ANO5: variants seen among roughly 807,000 people sequenced by gnomAD.
ANO5 encodes the protein anoctamin 5, also known as anoctamin-5.
In ANO5, 109 loss-of-function variants were observed where a neutral mutation model predicts 121.0. The observed-to-expected ratio is 0.90, with a 90% CI of 0.77 to 1.06. The LOEUF (loss-of-function observed/expected upper bound fraction) is 1.06. Ranked by LOEUF, ANO5 falls within the 50% of genes least tolerant of loss-of-function variation. ANO5 has a pLI of 0.00. For missense variants in ANO5, 1,064 were observed against 1,078.5 expected (o/e 0.99, Z 0.19); for synonymous variants, 406 against 359.9 (o/e 1.13, Z -1.45).
At chr11:22,210,832 G>T (rs904411059) in intron 2 of ANO5, among the ~76,000 whole-genome samples, 1 of 151,858 alleles carries the variant, frequency 6.6e-6, no homozygotes, top group African/African-American at 2.4e-5. Flanking sequence ...ATGTTGAAGG[G>T]CGTAAAATAG....
intron 9 of ANO5, among the ~76,000 whole-genome samples, chr11:22,243,406 G>C (rs929015316): frequency 6.6e-6 from 1 of 152,034 alleles, no homozygotes; most frequent in Non-Finnish European, 1.5e-5. Flanking sequence ...TCAGATTTTG[G>C]TATCAGCCTG....
chr11:22,267,012 T>G (rs1167048340), intron 17 of ANO5, among the ~76,000 whole-genome samples: 3 of 152,222 alleles, frequency 2.0e-5, no homozygotes, highest in Non-Finnish European at 4.4e-5. Flanking sequence ...TTTATCAATC[T>G]TTTATTTTAT....
In ANO5 at chr11:22,246,143, A is replaced by G. The variant is rs377749978; in HGVS notation, c.879-4094A>G. On this transcript the variant is annotated intron_variant, in intron 9 of 21. Coordinates refer to ENST00000324559, the MANE Select transcript of ANO5 (RefSeq NM_213599.3). ...CAAAGAGTACCAGTCTTCTCTTTGT[A>G]TCTGATTCTTCTCAAGAAATATTGC... 1.6e-4 allele frequency among the ~76,000 whole-genome samples: 25 copies of G among 152,174 alleles called. No individual in the cohort carries two copies. The East Asian group carries it at 4.6e-3, about 28-fold the overall frequency.
intron 17 of ANO5, among the ~76,000 whole-genome samples, chr11:22,269,475 AAAAG>A (rs200020838): frequency 2.0e-3 from 111 of 54,414 alleles, no homozygotes; most frequent in South Asian, 3.4e-3. Flanking sequence ...GAGAAAAAAG[AAAAG>A]AAAGGAAAGA....
rs1323534595 is a variant in ANO5, at chr11:22,193,491, AG to A, written c.-1del. 1.9e-6 allele frequency: 3 copies of A among 1,612,684 alleles called. No homozygotes were observed. In the Admixed American group the frequency reaches 5.0e-5, roughly 27 times the overall value. ...ACCAGTGCCATTAACGAGCTGGCGA[AG>A]ATGGGCGACCCGGATCTCCTGGAAG... On this transcript the variant is annotated 5_prime_UTR_variant, in exon 1 of 22. Transcript: ENST00000324559.
At position 22,211,276 on chromosome 11, in the gene ANO5, A is replaced by G; in HGVS notation, c.100A>G (p.Ser34Gly). 6.2e-7 allele frequency: 1 copy of G among 1,612,242 alleles called. No homozygotes were observed. The highest frequency in any genetic ancestry group is 8.5e-7 in the Non-Finnish European group (1 of 1,178,668). Reference protein sequence around the residue: ...SFQMSEQSLSSRETSFLINEE... With the variant: ...SFQMSEQSLSGRETSFLINEE... ...CTGGTACTGTTAGCAGAGCCTGAGC[A>G]GCAGAGAGACCAGCTTTCTCATCAA... Residue 34 changes from serine (S) to glycine (G), a missense_variant, in exon 3 of 22, where the codon AGC becomes GGC. Transcript: ENST00000324559.
At chr11:22,210,304 GA>G (rs144938002) in intron 2 of ANO5, among the ~76,000 whole-genome samples, 8,410 of 151,936 alleles carry the variant, frequency 0.055, 785 homozygotes, top group African/African-American at 0.19. Flanking sequence ...AAAGAACACA[GA>G]GAAATTACTG....
rs939950462 is a variant in ANO5, at chr11:22,276,691, G to A, written c.2520+492G>A. ...GCTTATGCTCTGTCTACTATATTAT[G>A]CTTCCTCTCTTGTGGAATATCTAGT... On this transcript the variant is annotated intron_variant, in intron 21 of 21. Coordinates refer to ENST00000324559, the MANE Select transcript of ANO5 (RefSeq NM_213599.3). Among the ~76,000 whole-genome samples, 5 of 150,700 alleles carry A rather than the reference G, an allele frequency of 3.3e-5. No homozygotes were observed. The East Asian group carries it at 9.7e-4, about 29-fold the overall frequency.
chr11:22,216,632 G>A (rs1852453684), intron 3 of ANO5, among the ~76,000 whole-genome samples: 1 of 151,802 alleles, frequency 6.6e-6, no homozygotes, highest in African/African-American at 2.4e-5. Context: ...TTTTCTTCCA[G>A]TTTGTTGCTT....
chr11:22,249,611 C>T (rs1236579340), intron 9 of ANO5, among the ~76,000 whole-genome samples: 1 of 152,064 alleles, frequency 6.6e-6, no homozygotes, highest in Admixed American at 6.6e-5. Context: ...TGCCGATAAA[C>T]GCTGTCACTT....
rs778512456 is a variant in ANO5, at chr11:22,279,802, C to G, written c.*37C>G. On this transcript the variant is annotated 3_prime_UTR_variant, in exon 22 of 22. Coordinates refer to ENST00000324559, the MANE Select transcript of ANO5 (RefSeq NM_213599.3). ...AGGAAGCAGCAGGTGATCTGCCTTA[C>G]TTCACTTTATCCTCTGGTTTTAGGG... is the stretch of plus-strand genomic sequence containing the variant. The G allele has an allele frequency of 5.1e-6, 8 of 1,556,962 alleles. No individual in the cohort carries two copies. The East Asian group carries it at 1.4e-4, about 26-fold the overall frequency.
rs1791550105 is a variant in ANO5 at position 22,281,620 on chromosome 11, C to T, written c.*1855C>T. On this transcript the variant is annotated 3_prime_UTR_variant, in exon 22 of 22. Transcript: ENST00000324559. ...TTGCTATAGTGTACAGTGCACACAG[C>T]TCATATTGCTTCCTTCCTGGGTGCT... 1 of 150,514 alleles carries T rather than the reference C, an allele frequency of 6.6e-6. No individual in the cohort carries two copies. The highest frequency in any genetic ancestry group is 2.4e-5 in the African/African-American group (1 of 41,194). The allele number at this position is 150,514 out of a possible 1,614,324, so 9.3% of individuals were successfully genotyped here.
intron 9 of ANO5, among the ~76,000 whole-genome samples, chr11:22,242,450 A>T (rs7110787): frequency 0.15 from 22,205 of 152,088 alleles, 4,716 homozygotes; most frequent in African/African-American, 0.46. Context: ...GTAGTGTGAT[A>T]GGAATAACAT....
intron 1 of ANO5, among the ~76,000 whole-genome samples, chr11:22,197,302 G>A (rs978062199): frequency 6.6e-6 from 1 of 151,002 alleles, no homozygotes; most frequent in South Asian, 2.1e-4. Flanking sequence ...CACTTAATTA[G>A]TTACATAAAC....
At chr11:22,247,028 G>T (rs901862918) in intron 9 of ANO5, among the ~76,000 whole-genome samples, 1 of 151,966 alleles carries the variant, frequency 6.6e-6, no homozygotes, top group African/African-American at 2.4e-5. Context: ...GAATTTGTTT[G>T]CAGGAACACA....
At chr11:22,264,602 AAGTGAACT>A (rs1590310313) in intron 17 of ANO5, among the ~76,000 whole-genome samples, 1 of 152,200 alleles carries the variant, frequency 6.6e-6, no homozygotes, top group East Asian at 1.9e-4. Flanking sequence ...AATTATTAGA[AAGTGAACT>A]TACCCCAGCT....
At chr11:22,212,240 T>C (rs1239839982) in intron 3 of ANO5, among the ~76,000 whole-genome samples, 1 of 135,374 alleles carries the variant, frequency 7.4e-6, no homozygotes, top group African/African-American at 3.9e-5. Context: ...TTAGACTTTA[T>C]TAGCTTGAAG....
chr11:22,193,474 C>G lies in ANO5; in HGVS notation c.-19C>G. 1.2e-6 allele frequency: 2 copies of G among 1,610,542 alleles called. No homozygotes were observed. The highest frequency in any genetic ancestry group is 1.7e-6 in the Non-Finnish European group (2 of 1,178,868). On this transcript the variant is annotated 5_prime_UTR_variant, in exon 1 of 22. Coordinates refer to ENST00000324559, the MANE Select transcript of ANO5 (RefSeq NM_213599.3). ...CCTGCTGCCTCTCAGGCACCAGTGC[C>G]ATTAACGAGCTGGCGAAGATGGGCG...
intron 17 of ANO5, among the ~76,000 whole-genome samples, chr11:22,267,508 T>TTATATATATATA (rs567878499): frequency 3.2e-5 from 4 of 126,064 alleles, no homozygotes; most frequent in African/African-American, 1.9e-4. Flanking sequence ...ATATCTACAA[T>TTATATATATATA]TATATATATA....
Sources: allele counts gnomAD v4.1 joint callset (sites outside exome capture counted in the v4.1 genomes callset), GRCh38; gene constraint gnomAD v4.1.1; transcripts MANE v1.5; gene names NCBI Gene and HGNC (gene_info 2026-07-23, HGNC 2026-07-21).